The following TXNRD2 variants were observed in gnomAD, a reference collection of about 807,000 sequenced individuals.
The protein encoded by TXNRD2 is thioredoxin reductase 2, mitochondrial.
In TXNRD2, 67 loss-of-function variants were observed where a neutral mutation model predicts 70.8. That is an observed-to-expected ratio of 0.95 (90% confidence interval 0.78 to 1.16). The LOEUF (loss-of-function observed/expected upper bound fraction) is 1.16. Among genes scored for constraint, TXNRD2 ranks in the 50% most tolerant of loss-of-function variants. TXNRD2 has a pLI of 0.00. For missense variants in TXNRD2, 644 were observed against 719.9 expected, an observed-to-expected ratio of 0.89 and a Z score of 1.21; for synonymous variants, 301 against 295.8, an observed-to-expected ratio of 1.02 and a Z score of -0.18.
rs543182353 is a variant in TXNRD2, at chr22:19,932,404, T to G, written c.104-1306A>C. ...CTGCACATAGTGCCACTCTCAGCCT[T>G]TTTAGCCTGCAAAAGGTGTCATCGT... On this transcript the variant is annotated intron_variant, in intron 1 of 17. Coordinates refer to ENST00000400521, the MANE Select transcript of TXNRD2 (RefSeq NM_006440.5). 1.6e-5 allele frequency: 25 copies of G among 1,612,618 alleles called. No homozygotes were observed. The Admixed American group carries it at 3.3e-4, about 21-fold the overall frequency.
Position 19,885,398 on chromosome 22 carries a change from C to G in TXNRD2, c.950-1937G>C, listed in dbSNP as rs546716117. On this transcript the variant is annotated intron_variant, in intron 11 of 17. Coordinates refer to ENST00000400521, the MANE Select transcript of TXNRD2 (RefSeq NM_006440.5). ...CCCGTGAGAGGGAACCCTTAAGTCTCCAGCTGCTGTCCCGGGGCAGGAGTC... is the reference window on the plus strand; with the variant it reads ...CCCGTGAGAGGGAACCCTTAAGTCTGCAGCTGCTGTCCCGGGGCAGGAGTC... Among the ~76,000 whole-genome samples the G allele has an allele frequency of 7.9e-5, 12 of 152,356 alleles. No individual in the cohort carries two copies. The East Asian group carries it at 2.3e-3, about 29-fold the overall frequency.
chr22:19,919,697 G>T lies in TXNRD2; in HGVS notation c.173-98C>A, dbSNP rs910250823. The T allele has an allele frequency of 3.7e-5, 41 of 1,107,308 alleles. No individual in the cohort carries two copies. The African/African-American group carries it at 8.8e-4, about 24-fold the overall frequency. The allele number at this position is 1,107,308 out of a possible 1,614,324, so 68.6% of individuals were successfully genotyped here. Reference sequence around the variant, plus strand: ...GCTTGTGAGGTCCAGAAGAGTGTGGGCAGGGCCTGGGCCTGCGGCTGCCCA... The same window carrying T: ...GCTTGTGAGGTCCAGAAGAGTGTGGTCAGGGCCTGGGCCTGCGGCTGCCCA... On this transcript the variant is annotated intron_variant, in intron 2 of 17. Transcript: ENST00000400521.
At chr22:19,916,811 G>A (rs2146039994) in intron 5 of TXNRD2, among the ~76,000 whole-genome samples, 1 of 151,740 alleles carries the variant, frequency 6.6e-6, no homozygotes, top group African/African-American at 2.4e-5. Flanking sequence ...ATAAAACTAT[G>A]TTGCTCAGGC....
Position 19,895,491 on chromosome 22 carries a change from C to T in TXNRD2, c.865G>A (p.Asp289Asn), listed in dbSNP as rs1939463686. The T allele has an allele frequency of 1.2e-6, 2 of 1,613,878 alleles. No individual in the cohort carries two copies. The highest frequency in any genetic ancestry group is 4.5e-5 in the East Asian group (2 of 44,892). ...CAPSRVRRLP[D>N]GQLQVTWEDS... ...TCCCAGGTGACCTGCAGCTGGCCAT[C>T]AGGGAGCCTCCTGACCCGCGAGGGG... Residue 289 changes from aspartate to asparagine, a missense_variant, in exon 11 of 18, where the codon GAT becomes AAT. Coordinates refer to ENST00000400521, the MANE Select transcript of TXNRD2 (RefSeq NM_006440.5).
chr22:19,880,888 G>A (rs964337038), intron 12 of TXNRD2, 171 bp from the exon 13 acceptor site: 1 of 613,208 alleles, frequency 1.6e-6, no homozygotes, highest in Non-Finnish European at 2.9e-6. Flanking sequence ...CTCCTGAGGG[G>A]CATCCCAAGG....
chr22:19,900,380 G>A (rs1321387008), intron 8 of TXNRD2, among the ~76,000 whole-genome samples: 1 of 152,230 alleles, frequency 6.6e-6, no homozygotes, highest in Non-Finnish European at 1.5e-5. Context: ...CTACACGGAA[G>A]TGCACTTCCA....
chr22:19,906,369 C>G (rs551535589), intron 8 of TXNRD2, among the ~76,000 whole-genome samples: 1 of 152,178 alleles, frequency 6.6e-6, no homozygotes, highest in African/African-American at 2.4e-5. Flanking sequence ...GTAGCTCACA[C>G]CTGTAATCCC....
In TXNRD2 at chr22:19,883,691, T is replaced by C. The variant is rs1938893627; in HGVS notation, c.950-230A>G. 6 of 565,026 alleles carry C rather than the reference T, an allele frequency of 1.1e-5. No individual in the cohort carries two copies. The Admixed American group carries it at 1.1e-4, about 10-fold the overall frequency. The allele number at this position is 565,026 out of a possible 1,614,324, so 35.0% of individuals were successfully genotyped here. On this transcript the variant is annotated intron_variant, in intron 11 of 17. Transcript: ENST00000400521. ...TGTCTCAGCCAGGCGTGATGGCTCA[T>C]GCCTATAATCCCAACACTTTGGGAG...
chr22:19,933,618 C>G, intron 1 of TXNRD2: 2 of 679,218 alleles, frequency 2.9e-6, no homozygotes, highest in Non-Finnish European at 4.3e-6. Context: ...CCCTCTCGGG[C>G]TGATAAACAC....
intron 6 of TXNRD2, 81 bp downstream of exon 6, chr22:19,915,684 C>T (rs1293835561): frequency 3.8e-6 from 5 of 1,327,520 alleles, no homozygotes; most frequent in Non-Finnish European, 5.4e-6. Flanking sequence ...GAACAGCACC[C>T]AGGCCAAACA....
chr22:19,918,635 T>A (rs1446873214), intron 4 of TXNRD2, among the ~76,000 whole-genome samples: 1 of 151,832 alleles, frequency 6.6e-6, no homozygotes, highest in Non-Finnish European at 1.5e-5. Flanking sequence ...GGCTGTAGCA[T>A]CCCTGGGCTC....
chr22:19,938,264 C>A (rs1015431173), intron 1 of TXNRD2: 1 of 152,152 alleles, frequency 6.6e-6, no homozygotes, highest in African/African-American at 2.4e-5. Context: ...CTTATGTAAA[C>A]TTATGGTGTC....
At chr22:19,929,692 G>A (rs1941285605) in intron 2 of TXNRD2, among the ~76,000 whole-genome samples, 1 of 152,156 alleles carries the variant, frequency 6.6e-6, no homozygotes, top group Non-Finnish European at 1.5e-5. Context: ...ATAAGCATGT[G>A]TTGTTTCAGC....
At chr22:19,916,495 C>T (rs1173902033) in intron 5 of TXNRD2, 1 of 154,102 alleles carries the variant, frequency 6.5e-6, no homozygotes. Flanking sequence ...GCTTGCGCCA[C>T]CACGCCTGGC....
intron 8 of TXNRD2, among the ~76,000 whole-genome samples, chr22:19,905,771 G>A (rs1303281176): frequency 6.6e-6 from 1 of 152,088 alleles, no homozygotes; most frequent in Admixed American, 6.6e-5. Context: ...GCAGAACTCA[G>A]GACGCCGAGT....
chr22:19,909,184 C>T (rs1940203524), intron 8 of TXNRD2, among the ~76,000 whole-genome samples: 1 of 135,420 alleles, frequency 7.4e-6, no homozygotes, highest in Admixed American at 8.1e-5. Flanking sequence ...CCAGCCTGGG[C>T]AACAGAGTGA....
intron 11 of TXNRD2, chr22:19,895,068 G>A (rs1199233972): frequency 1.3e-6 from 2 of 1,591,466 alleles, no homozygotes; most frequent in South Asian, 1.1e-5. Flanking sequence ...AATTGCTCAA[G>A]GGCCAGGGAA....
At chr22:19,884,149 C>T (rs1331696347) in intron 11 of TXNRD2, 1 of 152,662 alleles carries the variant, frequency 6.6e-6, no homozygotes, top group Non-Finnish European at 1.5e-5. Context: ...GTGAGACTGT[C>T]TCAAGAAAAA....
chr22:19,911,285 C>A, intron 8 of TXNRD2, 92 bp downstream of exon 8: 1 of 1,064,868 alleles, frequency 9.4e-7, no homozygotes, highest in Non-Finnish European at 1.5e-6. Flanking sequence ...GAAAGAAAGC[C>A]CCAGGAGCCC....
Sources: gnomAD v4.1 joint callset for allele counts (sites outside exome capture counted in the v4.1 genomes callset) on GRCh38, gnomAD v4.1.1 for gene constraint, MANE v1.5 for transcripts, NCBI Gene and HGNC (gene_info 2026-07-23, HGNC 2026-07-21) for gene names.